Variants in GPATCH2 observed in about 807,000 individuals in gnomAD.
GPATCH2 encodes G patch domain-containing protein 2.
A neutral mutation model predicts 58.0 loss-of-function variants in GPATCH2; 51 were observed. The ratio of observed to expected loss-of-function variants is 0.88; its 90% CI spans 0.70 to 1.11. The LOEUF (loss-of-function observed/expected upper bound fraction) is 1.11. Among genes scored for constraint, GPATCH2 ranks in the 50% most tolerant of loss-of-function variants. GPATCH2 has a pLI of 0.00. For missense variants in GPATCH2, 625 were observed against 652.2 expected, an observed-to-expected ratio of 0.96 and a Z score of 0.45; for synonymous variants, 222 against 218.5, an observed-to-expected ratio of 1.02 and a Z score of -0.14.
At chr1:217,556,536 A>T (rs1453190833) in intron 5 of GPATCH2, among the ~76,000 whole-genome samples, 1 of 152,208 alleles carries the variant, frequency 6.6e-6, no homozygotes, top group East Asian at 1.9e-4. Context: ...TGGTGCATCT[A>T]GCTGTAGATC....
chr1:217,511,835 G>GTA (rs1455940677), intron 6 of GPATCH2, among the ~76,000 whole-genome samples: 1 of 149,884 alleles, frequency 6.7e-6, no homozygotes, highest in Non-Finnish European at 1.5e-5. Flanking sequence ...GTGTGTGTGT[G>GTA]TGTGTTTGTG....
At chr1:217,482,492 T>C (rs1359246789) in intron 8 of GPATCH2, among the ~76,000 whole-genome samples, 1 of 151,968 alleles carries the variant, frequency 6.6e-6, no homozygotes, top group Non-Finnish European at 1.5e-5. Context: ...GCAAAGGCCC[T>C]GAGATGTGAG....
At chr1:217,579,373 GA>G (rs143211918) in intron 5 of GPATCH2, among the ~76,000 whole-genome samples, 2 of 146,702 alleles carry the variant, frequency 1.4e-5, no homozygotes, top group African/African-American at 2.5e-5. Context: ...ACACAGACAA[GA>G]AAAAAAAAAC....
At chr1:217,521,262 G>A (rs1415485513) in intron 5 of GPATCH2, among the ~76,000 whole-genome samples, 1 of 147,926 alleles carries the variant, frequency 6.8e-6, no homozygotes, top group Non-Finnish European at 1.5e-5. Context: ...CTGAGGTGAG[G>A]GCACATGCCC....
intron 5 of GPATCH2, among the ~76,000 whole-genome samples, chr1:217,571,950 GAGGA>G (rs36025374): frequency 0.023 from 3,142 of 137,426 alleles, 130 homozygotes; most frequent in African/African-American, 0.078. Flanking sequence ...AAAGAAAAGG[GAGGA>G]AGGAAGGAAG....
chr1:217,593,403 T>C (rs1667678762), intron 5 of GPATCH2, among the ~76,000 whole-genome samples: 1 of 152,038 alleles, frequency 6.6e-6, no homozygotes. Flanking sequence ...AAAACTGATT[T>C]GTGTCCTATT....
chr1:217,539,595 A>C (rs900640055), intron 5 of GPATCH2, among the ~76,000 whole-genome samples: 7 of 152,214 alleles, frequency 4.6e-5, no homozygotes, highest in African/African-American at 1.4e-4. Context: ...ATTTTCCCAA[A>C]TCAAACACTT....
intron 8 of GPATCH2, among the ~76,000 whole-genome samples, chr1:217,453,289 T>C (rs1438730233): frequency 1.3e-5 from 2 of 152,202 alleles, no homozygotes; most frequent in African/African-American, 2.4e-5. Context: ...AAGATCCTTT[T>C]GTAAGGTGTA....
At chr1:217,580,150 A>T (rs1666999126) in intron 5 of GPATCH2, among the ~76,000 whole-genome samples, 1 of 152,192 alleles carries the variant, frequency 6.6e-6, no homozygotes, top group Admixed American at 6.5e-5. Flanking sequence ...CAAGCACAAG[A>T]ACTTACTATA....
intron 8 of GPATCH2, among the ~76,000 whole-genome samples, chr1:217,476,358 C>G (rs1660970060): frequency 6.6e-6 from 1 of 151,382 alleles, no homozygotes; most frequent in Non-Finnish European, 1.5e-5. Context: ...TTGCCACCCC[C>G]TCCAGGACAC....
chr1:217,586,938 A>G (rs1667367733), intron 5 of GPATCH2, among the ~76,000 whole-genome samples: 1 of 152,210 alleles, frequency 6.6e-6, no homozygotes, highest in Non-Finnish European at 1.5e-5. Flanking sequence ...CAAAGCTATA[A>G]ATAAAGGCGA....
At chr1:217,540,554 C>T (rs185031032) in intron 5 of GPATCH2, among the ~76,000 whole-genome samples, 6 of 152,222 alleles carry the variant, frequency 3.9e-5, no homozygotes, top group South Asian at 2.1e-4. Flanking sequence ...TTGATCCTTT[C>T]GAAACAATAA....
chr1:217,573,572 CATG>C (rs2102724142), intron 5 of GPATCH2, among the ~76,000 whole-genome samples: 2 of 152,198 alleles, frequency 1.3e-5, no homozygotes, highest in South Asian at 4.1e-4. Flanking sequence ...ATTCAACAAA[CATG>C]AACTTTGGAG....
In GPATCH2 at chr1:217,429,851, CA is replaced by C; in HGVS notation, c.*1293del. 1 of 133,938 alleles carries C rather than the reference CA, an allele frequency of 7.5e-6. No individual in the cohort carries two copies. Among genetic ancestry groups the C allele is most frequent in the African/African-American group, 2.7e-5 (1 of 36,458 alleles). 8.3% of individuals were successfully genotyped at this position (133,938 alleles called of 1,614,324 possible). A position where few individuals can be genotyped will look rare whatever the true frequency, so the allele number is the denominator to read the frequency against. The stretch of plus-strand genomic sequence containing the variant: ...AAAAAAAAAAAAAAAAAAAAAGAAA[CA>C]AAAAAACTCTTTTGGAAAGTGACAA... On this transcript the variant is annotated 3_prime_UTR_variant, in exon 10 of 10. Coordinates refer to ENST00000366935, the MANE Select transcript of GPATCH2 (RefSeq NM_018040.5).
intron 1 of GPATCH2, among the ~76,000 whole-genome samples, chr1:217,625,273 T>C (rs1310280090): frequency 6.6e-6 from 1 of 152,178 alleles, no homozygotes; most frequent in African/African-American, 2.4e-5. Flanking sequence ...ATAAGACCAA[T>C]CAATGTAGAA....
intron 5 of GPATCH2, among the ~76,000 whole-genome samples, chr1:217,518,959 C>T (rs1015565557): frequency 6.6e-6 from 1 of 152,212 alleles, no homozygotes; most frequent in African/African-American, 2.4e-5. Flanking sequence ...GCCTCAGCCT[C>T]CCGGCCAGTT....
chr1:217,497,691 T>C (rs1342745422), intron 7 of GPATCH2, among the ~76,000 whole-genome samples: 1 of 152,160 alleles, frequency 6.6e-6, no homozygotes. Flanking sequence ...ATTTTAAAAA[T>C]AACTTTTATC....
intron 5 of GPATCH2, among the ~76,000 whole-genome samples, chr1:217,570,327 G>A (rs555385751): frequency 5.9e-5 from 9 of 152,018 alleles, no homozygotes; most frequent in Non-Finnish European, 1.2e-4. Context: ...TGACCAGGCT[G>A]GTCTTGAATT....
At chr1:217,573,655 T>C (rs542438493) in intron 5 of GPATCH2, among the ~76,000 whole-genome samples, 2 of 152,184 alleles carry the variant, frequency 1.3e-5, no homozygotes, top group Non-Finnish European at 2.9e-5. Flanking sequence ...GACAAGCAGA[T>C]GAATTGTCTA....
Sources: allele counts gnomAD v4.1 joint callset (sites outside exome capture counted in the v4.1 genomes callset), GRCh38; gene constraint gnomAD v4.1.1; transcripts MANE v1.5; gene names NCBI Gene and HGNC (gene_info 2026-07-23, HGNC 2026-07-21).